MCC: variants seen among roughly 807,000 people sequenced by gnomAD.
MCC encodes colorectal mutant cancer protein.
Under a neutral mutation model 116.2 loss-of-function variants are expected in MCC, and 90 were observed. The observed-to-expected ratio is 0.77, with a 90% confidence interval of 0.65 to 0.92. The LOEUF is 0.92. Among genes scored for constraint, MCC ranks in the 40% least tolerant of loss-of-function variants. The pLI is 0.00. For missense variants in MCC, 1,516 were observed against 1,312.2 expected (o/e 1.16, Z -2.40); for synonymous variants, 578 against 510.5 (o/e 1.13, Z -1.78).
At position 113,146,518 on chromosome 5, in the gene MCC, G is replaced by C. The variant is rs1759531614; in HGVS notation, c.742-3158C>G. On this transcript the variant is annotated intron_variant, in intron 4 of 18. Transcript: ENST00000408903. ...GTTAGGCCTTATGATACCAAAGAGA[G>C]CTAGGAAAGCCCAAAGAGCTCTCTC... Among the ~76,000 whole-genome samples, 5 of 151,852 alleles carry C rather than the reference G, an allele frequency of 3.3e-5. No homozygotes were observed. In the South Asian group the frequency reaches 1.0e-3, roughly 32 times the overall value.
intron 3 of MCC, among the ~76,000 whole-genome samples, chr5:113,201,652 T>C (rs900313649): frequency 1.3e-5 from 2 of 152,216 alleles, no homozygotes; most frequent in African/African-American, 4.8e-5. Context: ...ATATTAAAAA[T>C]ATGCTCTAGA....
At chr5:113,137,827 C>T (rs1249255679) in intron 5 of MCC, among the ~76,000 whole-genome samples, 1 of 152,122 alleles carries the variant, frequency 6.6e-6, no homozygotes, top group Non-Finnish European at 1.5e-5. Context: ...TACCACATCT[C>T]TAGGGCATTG....
At chr5:113,190,139 A>G (rs375825522) in intron 3 of MCC, among the ~76,000 whole-genome samples, 54 of 152,350 alleles carry the variant, frequency 3.5e-4, no homozygotes, top group South Asian at 3.5e-3. Flanking sequence ...GGCAGCTGCT[A>G]TAACAGTCTT....
intron 3 of MCC, among the ~76,000 whole-genome samples, chr5:113,301,815 T>G (rs1001255829): frequency 1.3e-5 from 2 of 152,224 alleles, no homozygotes; most frequent in Non-Finnish European, 2.9e-5. Flanking sequence ...AAGCTCATTA[T>G]AATAGTTTAC....
In MCC at chr5:113,052,832, C is replaced by T. The variant is rs139609927; in HGVS notation, c.2448+893G>A. 5.6e-3 allele frequency among the ~76,000 whole-genome samples: 850 copies of T among 152,282 alleles called. 6 individuals carry two copies. The highest frequency in any genetic ancestry group is 0.02 in the African/African-American group (810 of 41,534). ...AAAGTCCCAATCCTCCAACACACGC[C>T]TGGTCCTTCTGGTGACCAGCCCACA... is the stretch of plus-strand genomic sequence containing the variant. On this transcript the variant is annotated intron_variant, in intron 15 of 18. Transcript: ENST00000408903.
chr5:113,072,513 C>G (rs1754109753), intron 11 of MCC, among the ~76,000 whole-genome samples: 1 of 152,220 alleles, frequency 6.6e-6, no homozygotes, highest in African/African-American at 2.4e-5. Flanking sequence ...CCAAGCCCAT[C>G]TCAGGGCCCT....
At chr5:113,150,711 T>C (rs1759805858) in intron 4 of MCC, among the ~76,000 whole-genome samples, 1 of 152,068 alleles carries the variant, frequency 6.6e-6, no homozygotes. Context: ...TGATGTAACA[T>C]ACAAATGATA....
chr5:113,415,153 C>A (rs1475463993), intron 1 of MCC, among the ~76,000 whole-genome samples: 1 of 152,196 alleles, frequency 6.6e-6, no homozygotes, highest in African/African-American at 2.4e-5. Context: ...GTCTGATGGG[C>A]TTCCCTTTGT....
intron 3 of MCC, among the ~76,000 whole-genome samples, chr5:113,295,957 TG>T (rs1766698451): frequency 6.6e-6 from 1 of 152,180 alleles, no homozygotes; most frequent in Non-Finnish European, 1.5e-5. Flanking sequence ...TCAACTTCCA[TG>T]GTCTTTTTAA....
At chr5:113,236,418 C>T (rs1363497120) in intron 3 of MCC, among the ~76,000 whole-genome samples, 1 of 152,168 alleles carries the variant, frequency 6.6e-6, no homozygotes, top group African/African-American at 2.4e-5. Flanking sequence ...TGGAACCACA[C>T]TCCCATGACT....
At chr5:113,065,151 G>C (rs6863319) in intron 13 of MCC, among the ~76,000 whole-genome samples, 52,067 of 151,984 alleles carry the variant, frequency 0.34, 8,924 homozygotes, top group Middle Eastern at 0.39. Context: ...CAAACCCATA[G>C]AATGTACAGC....
chr5:113,110,235 G>T (rs1251024358), intron 6 of MCC, among the ~76,000 whole-genome samples: 1 of 152,186 alleles, frequency 6.6e-6, no homozygotes, highest in African/African-American at 2.4e-5. Flanking sequence ...AAGAATTTGA[G>T]GTTGCTTATC....
intron 1 of MCC, among the ~76,000 whole-genome samples, chr5:113,444,149 C>G (rs1771136961): frequency 2.0e-5 from 3 of 151,988 alleles, no homozygotes; most frequent in African/African-American, 4.8e-5. Context: ...CCGGCCTGTA[C>G]AGCATTTTTA....
intron 3 of MCC, among the ~76,000 whole-genome samples, chr5:113,304,573 A>G (rs991718816): frequency 2.6e-5 from 4 of 152,356 alleles, no homozygotes; most frequent in South Asian, 2.1e-4. Context: ...CATGTGATGC[A>G]TCAAATACCC....
At chr5:113,288,582 C>G (rs565148037) in intron 3 of MCC, among the ~76,000 whole-genome samples, 1 of 152,222 alleles carries the variant, frequency 6.6e-6, no homozygotes, top group Non-Finnish European at 1.5e-5. Context: ...TATCCCTTTA[C>G]TCTAATCATA....
chr5:113,354,802 A>ATTCTTATTATTATTATTATTATTATTG (rs149880843), intron 2 of MCC, among the ~76,000 whole-genome samples: 1 of 148,416 alleles, frequency 6.7e-6, no homozygotes. Flanking sequence ...TATTATTATT[A>ATTCTTATTATTATTATTATTATTATTG]TTATTCAACA....
At chr5:113,475,048 A>T (rs1373957522) in intron 1 of MCC, among the ~76,000 whole-genome samples, 5 of 152,224 alleles carry the variant, frequency 3.3e-5, no homozygotes. Flanking sequence ...CGTTATGAAA[A>T]TGCTTCCCTT....
At chr5:113,067,888 G>C (rs1753732998) in intron 13 of MCC, among the ~76,000 whole-genome samples, 192 bp downstream of exon 13, 1 of 152,224 alleles carries the variant, frequency 6.6e-6, no homozygotes, top group African/African-American at 2.4e-5. Flanking sequence ...CTGTTATTCT[G>C]TTTCCACTCC....
chr5:113,145,427 A>G (rs1759436966), intron 4 of MCC, among the ~76,000 whole-genome samples: 1 of 152,040 alleles, frequency 6.6e-6, no homozygotes. Context: ...TTCCACTTAC[A>G]CACTCAATGA....
Sources: allele counts gnomAD v4.1 joint callset (sites outside exome capture counted in the v4.1 genomes callset), GRCh38; gene constraint gnomAD v4.1.1; transcripts MANE v1.5; gene names NCBI Gene and HGNC (gene_info 2026-07-23, HGNC 2026-07-21).